Variants in ANKRD27 observed in about 807,000 individuals in gnomAD.
ANKRD27 encodes the protein ankyrin repeat domain 27.
In ANKRD27, 112 loss-of-function variants were observed where a neutral mutation model predicts 129.7. That is an observed-to-expected ratio of 0.86 (90% CI 0.74 to 1.01). The LOEUF is 1.01. Ranked by LOEUF, ANKRD27 falls within the 50% of genes least tolerant of loss-of-function variation. ANKRD27 has a pLI of 0.00. For synonymous variants in ANKRD27, 516 were observed against 511.2 expected, an observed-to-expected ratio of 1.01 and a Z score of -0.13; for missense variants, 1,258 against 1,300.5, an observed-to-expected ratio of 0.97 and a Z score of 0.50.
chr19:32,638,925 GA>G (rs1194277294), intron 12 of ANKRD27: 8 of 256,952 alleles, frequency 3.1e-5, no homozygotes, highest in African/African-American at 4.4e-5. Flanking sequence ...GCCAGGCCAA[GA>G]GCGTGAAATG....
At chr19:32,622,365 T>C (rs1480098862) in intron 18 of ANKRD27, 57 bp downstream of exon 18, 1 of 1,584,482 alleles carries the variant, frequency 6.3e-7, no homozygotes, top group Non-Finnish European at 8.7e-7. Flanking sequence ...AGACCTAAGC[T>C]ACGGACATCG....
intron 12 of ANKRD27, among the ~76,000 whole-genome samples, chr19:32,633,472 A>G (rs1967036277): frequency 6.6e-6 from 1 of 151,490 alleles, no homozygotes; most frequent in South Asian, 2.1e-4. Flanking sequence ...AGCTGGGACT[A>G]AAGGTGTGCC....
In ANKRD27 at chr19:32,598,323, G is replaced by C. The variant is rs1342210073; in HGVS notation, c.2975C>G (p.Ser992Cys). ...RQNNLPAQSG[S>C]HAAEKGNSDW... ...GCTGTTGCCTTTCTCAGCAGCATGA[G>C]ATCCACTCTGAGCTGGCAGGTTATT... The change falls in exon 29 of 29, where the codon TCT becomes TGT. Residue 992 changes from serine to cysteine, a missense_variant. By Grantham distance (112) the Ser-to-Cys change is moderately radical. Transcript: ENST00000306065. 2.5e-6 allele frequency: 4 copies of C among 1,614,062 alleles called. No individual in the cohort carries two copies. The highest frequency in any genetic ancestry group is 3.4e-6 in the Non-Finnish European group (4 of 1,180,048).
chr19:32,617,374 T>C (rs571897608), intron 21 of ANKRD27, among the ~76,000 whole-genome samples: 1 of 152,108 alleles, frequency 6.6e-6, no homozygotes, highest in Non-Finnish European at 1.5e-5. Context: ...CAAGACCTTA[T>C]CTCTACAAAA....
At chr19:32,608,372 G>A (rs2145262508) in intron 22 of ANKRD27, 1 of 315,202 alleles carries the variant, frequency 3.2e-6, no homozygotes, top group Non-Finnish European at 6.3e-6. Flanking sequence ...TGAGGGGCAT[G>A]GCCACAGCCC....
intron 28 of ANKRD27, among the ~76,000 whole-genome samples, chr19:32,598,862 T>C (rs538810175): frequency 6.6e-6 from 1 of 152,360 alleles, no homozygotes; most frequent in East Asian, 1.9e-4. Context: ...CTTTTGTGTA[T>C]TTGTTCCAAC....
At chr19:32,634,719 G>A (rs1363541665) in intron 12 of ANKRD27, among the ~76,000 whole-genome samples, 6 of 152,030 alleles carry the variant, frequency 3.9e-5, no homozygotes, top group African/African-American at 1.2e-4. Flanking sequence ...GGTTCAAGAC[G>A]AGCCCAGCCA....
Position 32,628,774 on chromosome 19 carries a change from T to C in ANKRD27, c.1285A>G (p.Lys429Glu). The change falls in exon 14 of 29, where the codon AAG becomes GAG. Residue 429 changes from lysine to glutamate, a missense_variant. By Grantham distance (56) the Lys-to-Glu change is moderately conservative. Transcript: ENST00000306065. Reference sequence around the variant, plus strand: ...CAGAAGCAGAGAGGGTGACACATCTTTTGGACGGTATCTTTATCATGGTCC... The same window carrying C: ...CAGAAGCAGAGAGGGTGACACATCTCTTGGACGGTATCTTTATCATGGTCC... ...QEDHDKDTVQ[K>E]MCHPLCFCDD... 6.2e-7 allele frequency: 1 copy of C among 1,614,122 alleles called. No individual in the cohort carries two copies. Among genetic ancestry groups the C allele is most frequent in the Non-Finnish European group, 8.5e-7 (1 of 1,180,004 alleles).
At chr19:32,610,757 A>T (rs575195501) in intron 22 of ANKRD27, among the ~76,000 whole-genome samples, 1 of 152,224 alleles carries the variant, frequency 6.6e-6, no homozygotes, top group South Asian at 2.1e-4. Context: ...GCACCACTGT[A>T]CTCCAGCCTG....
chr19:32,661,276 G>A (rs1228742928), intron 1 of ANKRD27, among the ~76,000 whole-genome samples: 1 of 150,682 alleles, frequency 6.6e-6, no homozygotes, highest in Non-Finnish European at 1.5e-5. Context: ...CTCCTAGTCT[G>A]TAACTTGCTT....
Position 32,598,324 on chromosome 19 carries a change from A to T in ANKRD27, c.2974T>A (p.Ser992Thr), listed in dbSNP as rs371160650. ...RQNNLPAQSG[S>T]HAAEKGNSDW... ...CTGTTGCCTTTCTCAGCAGCATGAG[A>T]TCCACTCTGAGCTGGCAGGTTATTC... is the stretch of plus-strand genomic sequence containing the variant. Residue 992 changes from serine (S) to threonine (T), a missense_variant, in exon 29 of 29, where the codon TCT becomes ACT. Transcript: ENST00000306065. The T allele has an allele frequency of 1.2e-6, 2 of 1,614,082 alleles. No individual in the cohort carries two copies. Among genetic ancestry groups the T allele is most frequent in the Non-Finnish European group, 8.5e-7 (1 of 1,180,018 alleles).
At chr19:32,616,251 C>A (rs1971917174) in intron 21 of ANKRD27, among the ~76,000 whole-genome samples, 2 of 152,168 alleles carry the variant, frequency 1.3e-5, no homozygotes, top group Admixed American at 6.5e-5. Context: ...ACTCCCTCCT[C>A]CATTAAAAGT....
In ANKRD27 at chr19:32,644,398, C is replaced by T. The variant is rs1226244031; in HGVS notation, c.452G>A (p.Arg151Gln). The change falls in exon 5 of 29, where the codon CGA becomes CAA. Residue 151 changes from arginine (R) to glutamine (Q), a missense_variant. By Grantham distance (43) the Arg-to-Gln change is conservative (BLOSUM62 1). Coordinates refer to ENST00000306065, the MANE Select transcript of ANKRD27 (RefSeq NM_032139.3). ...VREFLGRHSE[R>Q]FDRNIASFHR... ...GAAAGAGGCGATGTTCCTGTCAAAT[C>T]GCTCGGAGTGTCTTCCCAAGAACTC... 7 of 1,613,964 alleles carry T rather than the reference C, an allele frequency of 4.3e-6. No individual in the cohort carries two copies. The highest frequency in any genetic ancestry group is 1.1e-5 in the South Asian group (1 of 91,080).
At chr19:32,654,573 C>A (rs922667455) in intron 2 of ANKRD27, among the ~76,000 whole-genome samples, 3 of 152,204 alleles carry the variant, frequency 2.0e-5, no homozygotes, top group Admixed American at 2.0e-4. Context: ...AGGGGGCCGG[C>A]ATGGGCCAGC....
chr19:32,634,751 AC>A (rs1389665817), intron 12 of ANKRD27, among the ~76,000 whole-genome samples: 3 of 152,062 alleles, frequency 2.0e-5, no homozygotes, highest in Non-Finnish European at 4.4e-5. Flanking sequence ...TCCTATCTCC[AC>A]AAAAATACAA....
At chr19:32,642,622 C>T (rs1196672509) in intron 9 of ANKRD27, among the ~76,000 whole-genome samples, 2 of 151,982 alleles carry the variant, frequency 1.3e-5, no homozygotes, top group Admixed American at 6.6e-5. Context: ...CCTGTAATCC[C>T]GCTACTCGGG....
chr19:32,599,768 G>A lies in ANKRD27; in HGVS notation c.2855C>T (p.Thr952Ile). ...VHSAGQFKGK[T>I]SREIMARDRS... ...ATCTCTTGCCATAATCTCCCTTGAA[G>A]TCTTTCCCCTAAAACCCAAAATAAA... is the stretch of plus-strand genomic sequence containing the variant. The change falls in exon 28 of 29, where the codon ACT becomes ATT. Residue 952 changes from threonine to isoleucine, a missense_variant. Transcript: ENST00000306065. The A allele has an allele frequency of 6.2e-7, 1 of 1,613,536 alleles. No homozygotes were observed. Among genetic ancestry groups the A allele is most frequent in the Non-Finnish European group, 8.5e-7 (1 of 1,179,888 alleles).
At chr19:32,599,889 C>T in intron 27 of ANKRD27, 83 bp downstream of exon 27, 11 of 1,509,028 alleles carry the variant, frequency 7.3e-6, no homozygotes, top group Non-Finnish European at 1.0e-5. Context: ...TGTCCATAAC[C>T]AATTACAATT....
At chr19:32,627,854 G>A (rs554456411) in intron 15 of ANKRD27, among the ~76,000 whole-genome samples, 5 of 152,138 alleles carry the variant, frequency 3.3e-5, no homozygotes, top group Non-Finnish European at 7.4e-5. Flanking sequence ...TTTCCATGCC[G>A]TGGGACCCAC....
Sources: allele counts gnomAD v4.1 joint callset (sites outside exome capture counted in the v4.1 genomes callset), GRCh38; gene constraint gnomAD v4.1.1; transcripts MANE v1.5; gene names NCBI Gene and HGNC (gene_info 2026-07-23, HGNC 2026-07-21).